Variants in TMPRSS11F observed in about 807,000 individuals in gnomAD.
TMPRSS11F encodes transmembrane serine protease 11F.
TMPRSS11F carries 47 observed loss-of-function variants against 60.2 expected under a neutral mutation model. The observed-to-expected ratio is 0.78, with a 90% CI of 0.62 to 1.00. TMPRSS11F has a LOEUF of 1.00. Ranked by LOEUF, TMPRSS11F falls within the 50% of genes least tolerant of loss-of-function variation. The pLI is 0.00. For missense variants in TMPRSS11F, 519 were observed against 522.9 expected, an observed-to-expected ratio of 0.99 and a Z score of 0.07; for synonymous variants, 166 against 167.3, an observed-to-expected ratio of 0.99 and a Z score of 0.06.
chr4:68,055,531 G>A (rs888330947), intron 9 of TMPRSS11F, among the ~76,000 whole-genome samples: 2 of 152,074 alleles, frequency 1.3e-5, no homozygotes, highest in African/African-American at 4.8e-5. Context: ...CTGAAGAAAT[G>A]GAAAACCTGA....
At chr4:68,103,993 T>C (rs1372473421) in intron 1 of TMPRSS11F, among the ~76,000 whole-genome samples, 3 of 152,216 alleles carry the variant, frequency 2.0e-5, no homozygotes, top group African/African-American at 7.2e-5. Context: ...TGATTTCATA[T>C]GTTGATTTTG....
At chr4:68,062,467 T>C (rs1723204776) in intron 8 of TMPRSS11F, 1 of 665,362 alleles carries the variant, frequency 1.5e-6, no homozygotes, top group African/African-American at 1.8e-5. Context: ...GCTCTTCCAA[T>C]GGCGACTTGG....
intron 7 of TMPRSS11F, 128 bp from the exon 8 acceptor site, chr4:68,065,072 T>C (rs546439546): frequency 4.4e-6 from 4 of 911,784 alleles, no homozygotes; most frequent in South Asian, 2.0e-5. Context: ...AAGTTTGTAG[T>C]TGATAACATA....
intron 6 of TMPRSS11F, 123 bp from the exon 7 acceptor site, chr4:68,068,942 CCTT>C: frequency 1.0e-6 from 1 of 960,752 alleles, no homozygotes; most frequent in Admixed American, 2.1e-5. Context: ...TAGCACTCAG[CCTT>C]TGAGCTTATT....
chr4:68,074,231 A>G (rs1723539693), intron 3 of TMPRSS11F, among the ~76,000 whole-genome samples: 1 of 152,214 alleles, frequency 6.6e-6, no homozygotes, highest in Non-Finnish European at 1.5e-5. Context: ...TCTTTGTGGA[A>G]CCAAATAACC....
intron 1 of TMPRSS11F, among the ~76,000 whole-genome samples, chr4:68,103,935 C>A (rs980290427): frequency 2.6e-5 from 4 of 151,724 alleles, no homozygotes; most frequent in Non-Finnish European, 5.9e-5. Flanking sequence ...GAATTGTTTT[C>A]TTCATTTATT....
intron 2 of TMPRSS11F, among the ~76,000 whole-genome samples, chr4:68,097,688 A>G (rs1008325101): frequency 6.6e-6 from 1 of 151,988 alleles, no homozygotes; most frequent in African/African-American, 2.4e-5. Flanking sequence ...TTTTTTTGTC[A>G]TTATTTTTAC....
At chr4:68,095,074 A>C (rs980802608) in intron 2 of TMPRSS11F, among the ~76,000 whole-genome samples, 2 of 151,916 alleles carry the variant, frequency 1.3e-5, no homozygotes, top group African/African-American at 4.8e-5. Context: ...ATGGTAGTGA[A>C]TGTTATTTTA....
chr4:68,066,343 A>G (rs1171142539), intron 7 of TMPRSS11F, among the ~76,000 whole-genome samples: 1 of 152,218 alleles, frequency 6.6e-6, no homozygotes, highest in Non-Finnish European at 1.5e-5. Flanking sequence ...AATAAAAATT[A>G]TCCCATTCCT....
At chr4:68,112,187 G>A (rs1345634263) in intron 1 of TMPRSS11F, among the ~76,000 whole-genome samples, 2 of 152,048 alleles carry the variant, frequency 1.3e-5, no homozygotes, top group Non-Finnish European at 2.9e-5. Context: ...TTTCATTGAC[G>A]TTTCAAGTTC....
chr4:68,068,383 AG>A (rs1723373847), intron 7 of TMPRSS11F, among the ~76,000 whole-genome samples: 1 of 152,158 alleles, frequency 6.6e-6, no homozygotes, highest in Non-Finnish European at 1.5e-5. Context: ...AATATATAAT[AG>A]GAAAGACAGC....
chr4:68,068,590 A>T, intron 7 of TMPRSS11F, 28 bp downstream of exon 7: 4 of 1,590,998 alleles, frequency 2.5e-6, no homozygotes, highest in Non-Finnish European at 3.5e-6. Context: ...TGTGAAAAGA[A>T]GGCTCACAGC....
At chr4:68,059,672 T>C (rs138942641) in intron 8 of TMPRSS11F, among the ~76,000 whole-genome samples, 4 of 152,134 alleles carry the variant, frequency 2.6e-5, no homozygotes, top group African/African-American at 9.6e-5. Flanking sequence ...TTGTAGATCT[T>C]TCAAGGATAT....
In TMPRSS11F at chr4:68,059,434, C is replaced by T. The variant is rs765694496; in HGVS notation, c.1050G>A (p.Val350=). Reference sequence around the variant, plus strand: ...TACACACATCAGTGCTTATGGTTTCCACTCTGGCTTGCCGAAGTGTATTTT... The same window carrying T: ...TACACACATCAGTGCTTATGGTTTCTACTCTGGCTTGCCGAAGTGTATTTT... ...PIQNTLRQAR[V]ETISTDVCNR... Residue 350 remains valine, a synonymous_variant, in exon 9 of 10, where the codon GTG becomes GTA. Coordinates refer to ENST00000356291, the MANE Select transcript of TMPRSS11F (RefSeq NM_207407.2). 1.1e-5 allele frequency: 17 copies of T among 1,613,668 alleles called. No individual in the cohort carries two copies. The highest frequency in any genetic ancestry group is 1.4e-5 in the Non-Finnish European group (16 of 1,179,946).
At chr4:68,064,552 G>T in intron 8 of TMPRSS11F, 133 bp downstream of exon 8, 1 of 1,051,468 alleles carries the variant, frequency 9.5e-7, no homozygotes, top group Non-Finnish European at 1.4e-6. Flanking sequence ...ACAGTCTCCT[G>T]TTCTGCCCAA....
chr4:68,087,096 T>G (rs987597971), intron 3 of TMPRSS11F, among the ~76,000 whole-genome samples: 1 of 152,156 alleles, frequency 6.6e-6, no homozygotes, highest in Non-Finnish European at 1.5e-5. Flanking sequence ...CCAATACTCC[T>G]TATAAACATA....
At chr4:68,078,818 G>A (rs1723637746) in intron 3 of TMPRSS11F, among the ~76,000 whole-genome samples, 1 of 152,094 alleles carries the variant, frequency 6.6e-6, no homozygotes, top group Admixed American at 6.5e-5. Flanking sequence ...ATTTCACTAA[G>A]CTTCTCTGAG....
intron 3 of TMPRSS11F, among the ~76,000 whole-genome samples, chr4:68,078,747 T>C (rs893222966): frequency 6.6e-6 from 1 of 152,186 alleles, no homozygotes; most frequent in African/African-American, 2.4e-5. Context: ...GCCCCAGTAG[T>C]GACCTCACAT....
At chr4:68,087,756 A>C (rs1463820828) in intron 3 of TMPRSS11F, among the ~76,000 whole-genome samples, 1 of 151,556 alleles carries the variant, frequency 6.6e-6, no homozygotes, top group Non-Finnish European at 1.5e-5. Context: ...TTTAGGGTAC[A>C]TATGCACAAT....
Sources: gnomAD v4.1 joint callset for allele counts (sites outside exome capture counted in the v4.1 genomes callset) on GRCh38, gnomAD v4.1.1 for gene constraint, MANE v1.5 for transcripts, NCBI Gene and HGNC (gene_info 2026-07-23, HGNC 2026-07-21) for gene names.